MEFV: variants seen among roughly 807,000 people sequenced by gnomAD.
MEFV encodes MEFV innate immunity regulator, pyrin, also known as pyrin.
In MEFV, 60 loss-of-function variants were observed where a neutral mutation model predicts 62.5. The observed-to-expected ratio is 0.96, with a 90% CI of 0.78 to 1.19. The LOEUF (loss-of-function observed/expected upper bound fraction) is 1.19. Among genes scored for constraint, MEFV ranks in the 50% most tolerant of loss-of-function variants. MEFV has a pLI of 0.00. For missense variants in MEFV, 1,169 were observed against 1,004.5 expected, an observed-to-expected ratio of 1.16 and a Z score of -2.21; for synonymous variants, 500 against 415.2, an observed-to-expected ratio of 1.20 and a Z score of -2.48.
At chr16:3,255,607 A>G (rs1426370006) in intron 1 of MEFV, among the ~76,000 whole-genome samples, 1 of 151,730 alleles carries the variant, frequency 6.6e-6, no homozygotes, top group Non-Finnish European at 1.5e-5. Context: ...GGGTTTCACC[A>G]TGTTGCCCAA....
In MEFV at chr16:3,243,419, C is replaced by G. The variant is rs1281153557; in HGVS notation, c.2068G>C (p.Val690Leu). The G allele has an allele frequency of 1.9e-6, 3 of 1,614,184 alleles. No individual in the cohort carries two copies. The highest frequency in any genetic ancestry group is 2.5e-6 in the Non-Finnish European group (3 of 1,180,040). Residue 690 changes from valine to leucine, a missense_variant, in exon 10 of 10, where the codon GTG (valine) becomes CTG (leucine). Val to Leu is a conservative substitution (Grantham distance 32, BLOSUM62 1). Coordinates refer to ENST00000219596, the MANE Select transcript of MEFV (RefSeq NM_000243.3). The part of the protein sequence containing the change: ...MTLSPENGYW[V>L]VIMMKENEYQ... ...TCATTTTCCTTCATCATTATCACCA[C>G]CCAGTAGCCATTCTCTGGCGACAGA...
chr16:3,249,084 C>G, intron 3 of MEFV, 80 bp from the exon 4 acceptor site: 1 of 1,390,436 alleles, frequency 7.2e-7, no homozygotes. Context: ...AGGGGAACAT[C>G]TCCTTCTGGT....
At position 3,243,845 on chromosome 16, in the gene MEFV, G is replaced by A. The variant is rs372198293; in HGVS notation, c.1792+15C>T. On this transcript the variant is annotated intron_variant, in intron 9 of 9. Transcript: ENST00000219596. ...CCAGCAGGCCAGGGCCACTTGCCTT[G>A]ATCTGGGCACTTACCAGCATGTGCC... The A allele has an allele frequency of 1.4e-5, 23 of 1,613,526 alleles. No individual in the cohort carries two copies. Among genetic ancestry groups the A allele is most frequent in the Non-Finnish European group, 1.9e-5 (22 of 1,179,796 alleles).
Position 3,248,600 on chromosome 16 carries a change from A to G in MEFV, c.1356+309T>C, listed in dbSNP as rs887343049. On this transcript the variant is annotated intron_variant, in intron 4 of 9. Transcript: ENST00000219596. ...GCGAGACTCCGTCACAAAAAAAGAAAGTGGCGTTCTCCTCCCTTTTCCTCA... is the reference window on the plus strand; with the variant it reads ...GCGAGACTCCGTCACAAAAAAAGAAGGTGGCGTTCTCCTCCCTTTTCCTCA... 2.0e-5 allele frequency: 11 copies of G among 556,068 alleles called. No individual in the cohort carries two copies. The African/African-American group carries it at 2.1e-4, about 11-fold the overall frequency. The allele number at this position is 556,068 out of a possible 1,614,324, so 34.4% of individuals were successfully genotyped here.
In MEFV at chr16:3,244,524, G is replaced by A. The variant is rs104895113; in HGVS notation, c.1675C>T (p.Leu559Phe). The A allele has an allele frequency of 6.2e-7, 1 of 1,614,194 alleles. No homozygotes were observed. Among genetic ancestry groups the A allele is most frequent in the Non-Finnish European group, 8.5e-7 (1 of 1,180,040 alleles). Residue 559 changes from leucine to phenylalanine, a missense_variant, in exon 7 of 10, where the codon CTC becomes TTC. Transcript: ENST00000219596. ...TPQEIKQKIQ[L>F]LHQKSEFVEK... The stretch of plus-strand genomic sequence containing the variant: ...ACAAACTCTGACTTCTGGTGGAGGA[G>A]TTGGATCTTTTGTTTTATCTCTTGA...
intron 4 of MEFV, 162 bp downstream of exon 4, chr16:3,248,747 C>T (rs1958983017): frequency 1.0e-6 from 1 of 985,260 alleles, no homozygotes; most frequent in Non-Finnish European, 1.2e-6. Context: ...TCTCCCTCTA[C>T]AGGGATGAGC....
chr16:3,254,101 C>A, intron 2 of MEFV, 57 bp downstream of exon 2: 15 of 1,589,308 alleles, frequency 9.4e-6, no homozygotes, highest in Non-Finnish European at 1.1e-5. Flanking sequence ...AGCTATCGTG[C>A]CCGGCCAGCC....
chr16:3,249,731 T>G lies in MEFV; in HGVS notation c.960A>C (p.Gly320=). 6.2e-7 allele frequency: 1 copy of G among 1,614,108 alleles called. No homozygotes were observed. Among genetic ancestry groups the G allele is most frequent in the East Asian group, 2.2e-5 (1 of 44,886 alleles). Residue 320 remains glycine (G), a synonymous_variant, in exon 3 of 10, where the codon GGA becomes GGC. Coordinates refer to ENST00000219596, the MANE Select transcript of MEFV (RefSeq NM_000243.3). The stretch of plus-strand genomic sequence containing the variant: ...GCACACAGGTACCGTCAACTGGGTC[T>G]CCTTCCTGGGCGTGGCAGCGGGGAC... ...AASPRCHAQE[G]DPVDGTCVRD...
rs28940580 is a variant in MEFV at position 3,243,447 on chromosome 16, C to T, written c.2040G>A (p.Met680Ile). ...AGTAGCCATTCTCTGGCGACAGAGT[C>T]ATGTTCCCTTTCCTGCTTATGGATG... The part of the protein sequence containing the change: ...CKTSISRKGN[M>I]TLSPENGYWV... Residue 680 changes from methionine to isoleucine, a missense_variant, in exon 10 of 10, where the codon ATG becomes ATA. Met to Ile is a conservative substitution (Grantham distance 10). Transcript: ENST00000219596. 1.2e-5 allele frequency: 19 copies of T among 1,614,016 alleles called. No individual in the cohort carries two copies. In the Middle Eastern group the frequency reaches 9.9e-4, roughly 84 times the overall value.
chr16:3,246,564 G>T lies in MEFV; in HGVS notation c.1588-17C>A. On this transcript the variant is annotated splice_polypyrimidine_tract_variant and intron_variant, in intron 5 of 9. Transcript: ENST00000219596. Reference sequence around the variant, plus strand: ...TCCAATGTCCTAGGAGAAAAAAGAAGGAAACTGTCGGTTACCAGGCTCCTA... The same window carrying T: ...TCCAATGTCCTAGGAGAAAAAAGAATGAAACTGTCGGTTACCAGGCTCCTA... The T allele has an allele frequency of 1.9e-6, 3 of 1,614,072 alleles. No individual in the cohort carries two copies. Among genetic ancestry groups the T allele is most frequent in the Non-Finnish European group, 1.7e-6 (2 of 1,179,990 alleles).
At chr16:3,244,226 C>T (rs377028531) in intron 8 of MEFV, 28 bp downstream of exon 8, 21 of 1,613,952 alleles carry the variant, frequency 1.3e-5, no homozygotes, top group Non-Finnish European at 1.8e-5. Context: ...AACCCCAGGC[C>T]AGCACACACC....
At chr16:3,246,473 C>T (rs1464343104) in intron 6 of MEFV, 52 bp downstream of exon 6, 3 of 1,610,052 alleles carry the variant, frequency 1.9e-6, no homozygotes, top group African/African-American at 1.3e-5. Context: ...ACTGTCTCCC[C>T]CATATGCTTT....
intron 2 of MEFV, among the ~76,000 whole-genome samples, chr16:3,252,380 TCTC>T (rs1332958344): frequency 2.6e-5 from 4 of 151,684 alleles, no homozygotes; most frequent in Non-Finnish European, 5.9e-5. Flanking sequence ...TTCAAGCAAT[TCTC>T]CTGCCTCGAA....
intron 1 of MEFV, among the ~76,000 whole-genome samples, chr16:3,255,148 T>A (rs1274905458): frequency 1.3e-5 from 2 of 151,964 alleles, no homozygotes; most frequent in Non-Finnish European, 2.9e-5. Flanking sequence ...AAAACCCCGT[T>A]CCTACTAAAA....
intron 5 of MEFV, 86 bp downstream of exon 5, chr16:3,246,930 C>T (rs1958951109): frequency 1.5e-6 from 2 of 1,325,598 alleles, no homozygotes; most frequent in South Asian, 2.4e-5. Context: ...CCCACTTGTT[C>T]CAGCACGGCT....
intron 9 of MEFV, 24 bp from the exon 10 acceptor site, chr16:3,243,718 A>C: frequency 1.2e-6 from 2 of 1,612,432 alleles, no homozygotes; most frequent in Non-Finnish European, 1.7e-6. Context: ...TTGAATACCT[A>C]GGTAGGGGTC....
At position 3,253,068 on chromosome 16, in the gene MEFV, A is replaced by G. The variant is rs1959060646; in HGVS notation, c.910+1090T>C. Among the ~76,000 whole-genome samples the G allele has an allele frequency of 4.0e-5, 6 of 150,912 alleles. No homozygotes were observed. The South Asian group carries it at 1.3e-3, about 32-fold the overall frequency. On this transcript the variant is annotated intron_variant, in intron 2 of 9. Transcript: ENST00000219596. Reference sequence around the variant, plus strand: ...TCTAAACTGGTGGCATTTTTCTTTTACAGTTTTTTTTTAGTCTCTTTACCT... The same window carrying G: ...TCTAAACTGGTGGCATTTTTCTTTTGCAGTTTTTTTTTAGTCTCTTTACCT...
At chr16:3,243,771 C>A in intron 9 of MEFV, 77 bp from the exon 10 acceptor site, 1 of 1,609,100 alleles carries the variant, frequency 6.2e-7, no homozygotes, top group Non-Finnish European at 8.5e-7. Flanking sequence ...CTGCAGGAAA[C>A]AGGGACAGGG....
chr16:3,256,373 TGCAGGGTGAGCTGCACGGC>T lies in MEFV; in HGVS notation c.196_214del (p.Ala66ArgfsTer47). The T allele has an allele frequency of 6.2e-7, 1 of 1,614,090 alleles. No homozygotes were observed. Among genetic ancestry groups the T allele is most frequent in the Non-Finnish European group, 8.5e-7 (1 of 1,180,030 alleles). ...GCGCTGGTTGATGGCCCGCAGGACC[TGCAGGGTGAGCTGCACGGC>T]GTACTCTTCCCCATAGTAGGTGACC... On this transcript the variant is annotated frameshift_variant, in exon 1 of 10. Coordinates refer to ENST00000219596, the MANE Select transcript of MEFV (RefSeq NM_000243.3). LOFTEE classifies it high-confidence loss of function.
Sources: allele counts gnomAD v4.1 joint callset (sites outside exome capture counted in the v4.1 genomes callset), GRCh38; gene constraint gnomAD v4.1.1; transcripts MANE v1.5; gene names NCBI Gene and HGNC (gene_info 2026-07-23, HGNC 2026-07-21).